The following CEP290 variants were observed in gnomAD, a reference collection of about 807,000 sequenced individuals.
The protein encoded by CEP290 is centrosomal protein 290, also known as centrosomal protein of 290 kDa.
Under a neutral mutation model 344.9 loss-of-function variants are expected in CEP290, and 317 were observed. That is an observed-to-expected ratio of 0.92 (90% CI 0.84 to 1.01). The LOEUF (loss-of-function observed/expected upper bound fraction) is 1.01. Ranked by LOEUF, CEP290 falls within the 50% of genes least tolerant of loss-of-function variation. The pLI is 0.00. For synonymous variants in CEP290, 932 were observed against 895.8 expected (o/e 1.04, Z -0.72); for missense variants, 2,754 against 2,761.4 (o/e 1.00, Z 0.06).
intron 20 of CEP290, 123 bp downstream of exon 20, chr12:88,114,297 T>C (rs998155265): frequency 2.7e-6 from 2 of 740,980 alleles, no homozygotes; most frequent in Non-Finnish European, 4.1e-6. Context: ...ACACTTTACA[T>C]ACAGGGAAAC....
chr12:88,098,393 T>C (rs753270196), intron 26 of CEP290, among the ~76,000 whole-genome samples: 3 of 151,862 alleles, frequency 2.0e-5, no homozygotes, highest in Non-Finnish European at 4.4e-5. Context: ...GAGAATCACT[T>C]GAGTCCAGGA....
In CEP290 at chr12:88,071,872, T is replaced by G. The variant is rs746949236; in HGVS notation, c.5764A>C (p.Ile1922Leu). The change falls in exon 42 of 54, where the codon ATA (isoleucine) becomes CTA (leucine). Residue 1922 changes from isoleucine (I) to leucine (L), a missense_variant. By Grantham distance (5) the Ile-to-Leu change is conservative. Coordinates refer to ENST00000552810, the MANE Select transcript of CEP290 (RefSeq NM_025114.4). ...TTTAACTTGTTTCGAATTCCTTCTA[T>G]TTTGGCTTGCCACTTTTTACCTTCT... is the stretch of plus-strand genomic sequence containing the variant. ...WEEGKKWQAKIEGIRNKLKEK... is the reference protein window; with the variant it reads ...WEEGKKWQAKLEGIRNKLKEK... 3.7e-6 allele frequency: 6 copies of G among 1,604,482 alleles called. No individual in the cohort carries two copies. The highest frequency in any genetic ancestry group is 1.7e-4 in the Middle Eastern group (1 of 6,058).
At chr12:88,119,463 A>C (rs1014755701) in intron 15 of CEP290, among the ~76,000 whole-genome samples, 1 of 152,190 alleles carries the variant, frequency 6.6e-6, no homozygotes, top group African/African-American at 2.4e-5. Flanking sequence ...GTAAAACGTA[A>C]GTAGTCTAAA....
chr12:88,084,778 T>C lies in CEP290; in HGVS notation c.4512A>G (p.Glu1504=), dbSNP rs1177088224. Residue 1504 remains glutamate (E), a synonymous_variant, in exon 35 of 54, where the codon GAA becomes GAG. Transcript: ENST00000552810. ...CAGTGGCAGGCAATCGAAGCCTCAG[T>C]TCATTGATTACTTTGTCTCTTGACA... The part of the protein sequence containing the change: ...NILSRDKVIN[E]LRLRLPATAE... 6.8e-6 allele frequency: 11 copies of C among 1,613,352 alleles called. No individual in the cohort carries two copies. In the South Asian group the frequency reaches 8.8e-5, roughly 13 times the overall value.
intron 6 of CEP290, among the ~76,000 whole-genome samples, chr12:88,131,815 C>T (rs1266423688): frequency 6.6e-6 from 1 of 152,110 alleles, no homozygotes; most frequent in Admixed American, 6.6e-5. Flanking sequence ...AAAAAAACCC[C>T]TAATAAAATG....
intron 48 of CEP290, 104 bp downstream of exon 48, chr12:88,059,794 A>ATC: frequency 1.1e-6 from 1 of 904,010 alleles, no homozygotes; most frequent in Non-Finnish European, 1.6e-6. Flanking sequence ...ATCTCTTAAT[A>ATC]TCTACCTTTA....
In CEP290 at chr12:88,093,854, A is replaced by G. The variant is rs1238044392; in HGVS notation, c.3225T>C (p.His1075=). The G allele has an allele frequency of 1.9e-6, 3 of 1,612,894 alleles. No homozygotes were observed. Among genetic ancestry groups the G allele is most frequent in the African/African-American group, 1.3e-5 (1 of 74,892 alleles). ...GTAAGTGTTCATACATTTTTTGACA[A>G]TGTTCAGCCCGCTGCCTTTCATTTA... The part of the protein sequence containing the change: ...KELNERQRAE[H]CQKMYEHLRT... Residue 1075 remains histidine (H), a synonymous_variant, in exon 28 of 54, where the codon CAT becomes CAC. Coordinates refer to ENST00000552810, the MANE Select transcript of CEP290 (RefSeq NM_025114.4).
At chr12:88,135,703 A>G (rs182769736) in intron 6 of CEP290, 17 of 152,246 alleles carry the variant, frequency 1.1e-4, no homozygotes, top group Admixed American at 5.9e-4. Context: ...CTTAAATAGC[A>G]TATCATTGTT....
At chr12:88,060,042 TA>T in intron 47 of CEP290, 22 bp from the exon 48 acceptor site, 1 of 1,488,678 alleles carries the variant, frequency 6.7e-7, no homozygotes. Context: ...ACAAACAAAA[TA>T]AAAAGTATAC....
intron 1 of CEP290, 118 bp from the exon 2 acceptor site, chr12:88,141,452 C>T: frequency 2.1e-6 from 1 of 480,178 alleles, no homozygotes; most frequent in Admixed American, 4.3e-5. Flanking sequence ...GCAAAACAGA[C>T]AATTGGGCCA....
chr12:88,071,609 A>C (rs1187781237), intron 42 of CEP290, among the ~76,000 whole-genome samples, 160 bp from the exon 43 acceptor site: 1 of 152,170 alleles, frequency 6.6e-6, no homozygotes, highest in Non-Finnish European at 1.5e-5. Context: ...TAATTGTTAC[A>C]ATATATTTAA....
At chr12:88,078,695 T>C (rs760825411) in intron 39 of CEP290, among the ~76,000 whole-genome samples, 3 of 152,136 alleles carry the variant, frequency 2.0e-5, no homozygotes, top group African/African-American at 7.2e-5. Flanking sequence ...TGTATCAATA[T>C]AGGTTCATCA....
intron 39 of CEP290, 66 bp downstream of exon 39, chr12:88,079,026 A>G: frequency 7.3e-7 from 1 of 1,373,274 alleles, no homozygotes; most frequent in Non-Finnish European, 9.7e-7. Flanking sequence ...ACTATATATC[A>G]TAGTGAATTC....
chr12:88,090,690 A>G, intron 30 of CEP290, 38 bp downstream of exon 30: 1 of 1,240,744 alleles, frequency 8.1e-7, no homozygotes, highest in South Asian at 1.4e-5. Flanking sequence ...TTAGGGAAAA[A>G]AGTGGATTCT....
chr12:88,120,235 A>G lies in CEP290; in HGVS notation c.1401T>C (p.Asn467=). ...GLEDAVVEIK[N]CKNQIKIRDR... ...CTCTTATTTTAATTTGGTTTTTACAATTCTTTATTTCAACGACAGCATCTT... is the reference window on the plus strand; with the variant it reads ...CTCTTATTTTAATTTGGTTTTTACAGTTCTTTATTTCAACGACAGCATCTT... The change falls in exon 15 of 54, where the codon AAT becomes AAC. Residue 467 remains asparagine (N), a synonymous_variant. Transcript: ENST00000552810. 1 of 1,497,190 alleles carries G rather than the reference A, an allele frequency of 6.7e-7. No individual in the cohort carries two copies. Among genetic ancestry groups the G allele is most frequent in the Non-Finnish European group, 9.0e-7 (1 of 1,113,058 alleles). 92.7% of individuals were successfully genotyped at this position (1,497,190 alleles called of 1,614,324 possible).
At chr12:88,066,094 T>C (rs1009460159) in intron 44 of CEP290, among the ~76,000 whole-genome samples, 5 of 151,740 alleles carry the variant, frequency 3.3e-5, no homozygotes, top group African/African-American at 1.2e-4. Flanking sequence ...TTTCAGCCAT[T>C]TTCTCTTAAC....
chr12:88,074,834 T>G (rs2035639885), intron 41 of CEP290, among the ~76,000 whole-genome samples: 1 of 152,138 alleles, frequency 6.6e-6, no homozygotes, highest in Non-Finnish European at 1.5e-5. Context: ...ATGTGGAGGT[T>G]TCTAGAGGAA....
intron 25 of CEP290, chr12:88,103,797 G>A (rs2038075587): frequency 6.6e-6 from 1 of 152,096 alleles, no homozygotes; most frequent in Non-Finnish European, 1.5e-5. Flanking sequence ...GGAAATATTT[G>A]TAATAGCGCT....
rs763762899 is a variant in CEP290, at chr12:88,049,400, CTTCT to C, written c.7220_7223del (p.Lys2407SerfsTer2). ...CAAAATTTTCCAGTTCTTTTTTCAGCTTCTTTATTTCCTCCTAATGGAAACATTA... is the reference window on the plus strand; with the variant it reads ...CAAAATTTTCCAGTTCTTTTTTCAGCTTATTTCCTCCTAATGGAAACATTA... On this transcript the variant is annotated frameshift_variant, in exon 54 of 54. Transcript: ENST00000552810. LOFTEE classifies it high-confidence loss of function. 48 of 1,471,560 alleles carry C rather than the reference CTTCT, an allele frequency of 3.3e-5. No homozygotes were observed. Among genetic ancestry groups the C allele is most frequent in the Admixed American group, 9.8e-5 (5 of 51,192 alleles). 91.2% of individuals were successfully genotyped at this position (1,471,560 alleles called of 1,614,324 possible). A position where few individuals can be genotyped will look rare whatever the true frequency, so the allele number is the denominator to read the frequency against.
Sources: gnomAD v4.1 joint callset for allele counts (sites outside exome capture counted in the v4.1 genomes callset) on GRCh38, gnomAD v4.1.1 for gene constraint, MANE v1.5 for transcripts, NCBI Gene and HGNC (gene_info 2026-07-23, HGNC 2026-07-21) for gene names.